Variants in DAG1 observed in about 807,000 individuals in gnomAD.
The protein encoded by DAG1 is dystroglycan 1.
DAG1 carries 8 observed loss-of-function variants against 46.1 expected under a neutral mutation model. The ratio of observed to expected loss-of-function variants is 0.17; its 90% CI spans 0.10 to 0.31. The LOEUF (loss-of-function observed/expected upper bound fraction) is 0.31. DAG1 is among the 10% of genes least tolerant of loss of function. The pLI is 1.00. For synonymous variants in DAG1, 495 were observed against 481.8 expected (o/e 1.03, Z -0.36); for missense variants, 1,003 against 1,189.9 (o/e 0.84, Z 2.31).
chr3:49,475,165 T>G (rs760554474), intron 1 of DAG1, among the ~76,000 whole-genome samples: 1 of 148,576 alleles, frequency 6.7e-6, no homozygotes, highest in South Asian at 2.1e-4. Flanking sequence ...AGTGCAATGG[T>G]GCGATATTGG....
intron 2 of DAG1, among the ~76,000 whole-genome samples, chr3:49,516,657 T>C (rs772832182): frequency 6.6e-6 from 1 of 152,216 alleles, no homozygotes; most frequent in Non-Finnish European, 1.5e-5. Flanking sequence ...GGGAGCCCCT[T>C]TAAGTTGGTT....
rs886043329 is a variant in DAG1 at position 49,532,682 on chromosome 3, C to T, written c.2171C>T (p.Pro724Leu). ...CTACAGTTTATCCCTGTGGTACCAC[C>T]CAGGAGAGTGCCCTCAGAGGCGCCG... ...RHLQFIPVVP[P>L]RRVPSEAPPT... is the part of the protein sequence containing the mutation. Residue 724 changes from proline to leucine, a missense_variant, in exon 3 of 3, where the codon CCC (proline) becomes CTC (leucine). This residue lies in a region of DAG1 where 755 missense variants were observed against 854.1 expected (regional missense o/e 0.88). Transcript: ENST00000308775. The surrounding 1 kb of genome is among the most constrained non-coding windows in gnomAD (Gnocchi z 5.4). The T allele has an allele frequency of 6.2e-7, 1 of 1,614,146 alleles. No homozygotes were observed.
chr3:49,472,772 A>G (rs1321752925), intron 1 of DAG1, among the ~76,000 whole-genome samples: 3 of 151,754 alleles, frequency 2.0e-5, no homozygotes, highest in African/African-American at 7.3e-5. Flanking sequence ...GAGCCACTGC[A>G]CTCCAGCCTG....
At chr3:49,480,866 A>G (rs71615484) in intron 1 of DAG1, among the ~76,000 whole-genome samples, 44,140 of 128,942 alleles carry the variant, frequency 0.34, 10,900 homozygotes, top group Non-Finnish European at 0.39. Flanking sequence ...GGTTCACGCC[A>G]TTCTTCTGCC....
At chr3:49,487,282 C>T (rs1360333970) in intron 1 of DAG1, 2 of 152,302 alleles carry the variant, frequency 1.3e-5, no homozygotes, top group Non-Finnish European at 2.9e-5. Flanking sequence ...CAGATGGCTG[C>T]ACTGGCCTAG....
At chr3:49,469,340 C>T (rs1480984589), upstream of DAG1, among the ~76,000 whole-genome samples, 1 of 152,192 alleles carries the variant, frequency 6.6e-6, no homozygotes, top group Non-Finnish European at 1.5e-5. Flanking sequence ...CCAGACCCAT[C>T]CGGTAACTGT....
At chr3:49,515,915 C>T (rs1324177123) in intron 2 of DAG1, among the ~76,000 whole-genome samples, 1 of 152,090 alleles carries the variant, frequency 6.6e-6, no homozygotes, top group African/African-American at 2.4e-5. Flanking sequence ...TTCAAAATCC[C>T]TTTTTACTGA....
chr3:49,498,424 T>G (rs896158261), intron 1 of DAG1, among the ~76,000 whole-genome samples: 4 of 152,038 alleles, frequency 2.6e-5, no homozygotes, highest in African/African-American at 7.2e-5. Context: ...TATTTGGAGC[T>G]CAAATAAACA....
intron 1 of DAG1, among the ~76,000 whole-genome samples, chr3:49,486,659 C>T (rs546815283): frequency 6.6e-5 from 10 of 152,044 alleles, no homozygotes; most frequent in South Asian, 4.2e-4. Flanking sequence ...TGCATCACCA[C>T]GCCTGGCTAA....
rs188499778 is a variant in DAG1 at position 49,520,444 on chromosome 3, C to T, written c.285+9625C>T. On this transcript the variant is annotated intron_variant, in intron 2 of 2. Coordinates refer to ENST00000308775, the MANE Select transcript of DAG1 (RefSeq NM_004393.6). The stretch of plus-strand genomic sequence containing the variant: ...CCAGGGTGTTGTCTATGGTACCCAG[C>T]CATAGATGGCTGCAGGTTGGCCCAG... Among the ~76,000 whole-genome samples, 305 of 152,292 alleles carry T rather than the reference C, an allele frequency of 2.0e-3. 3 individuals carry two copies. Among genetic ancestry groups the T allele is most frequent in the African/African-American group, 7.0e-3 (290 of 41,562 alleles).
In DAG1 at chr3:49,535,491, C is replaced by G. The variant is rs966748463; in HGVS notation, c.*2292C>G. On this transcript the variant is annotated 3_prime_UTR_variant, in exon 3 of 3. Coordinates refer to ENST00000308775, the MANE Select transcript of DAG1 (RefSeq NM_004393.6). ...GGACTCTGTGAGATGGAGAGCCAAT[C>G]TCACATTCAAGTGTTCACCAACCAC... 2 of 152,716 alleles carry G rather than the reference C, an allele frequency of 1.3e-5. No individual in the cohort carries two copies. Among genetic ancestry groups the G allele is most frequent in the Admixed American group, 1.3e-4 (2 of 15,294 alleles). 9.5% of individuals were successfully genotyped at this position (152,716 alleles called of 1,614,324 possible).
intron 2 of DAG1, among the ~76,000 whole-genome samples, chr3:49,513,500 C>A (rs1268329427): frequency 6.6e-6 from 1 of 152,106 alleles, no homozygotes; most frequent in African/African-American, 2.4e-5. Context: ...TTAGAAATGG[C>A]CACAAGTTCT....
chr3:49,486,408 CAG>C (rs1488105104), intron 1 of DAG1, among the ~76,000 whole-genome samples: 2 of 151,358 alleles, frequency 1.3e-5, no homozygotes, highest in Admixed American at 6.6e-5. Flanking sequence ...TTAGTAGAGA[CAG>C]GGTTTCACCG....
rs903063283 is a variant in DAG1, at chr3:49,470,416, T to G, written c.-134T>G. 5 of 152,196 alleles carry G rather than the reference T, an allele frequency of 3.3e-5. No homozygotes were observed. Among genetic ancestry groups the G allele is most frequent in the African/African-American group, 7.2e-5 (3 of 41,452 alleles). 9.4% of individuals were successfully genotyped at this position (152,196 alleles called of 1,614,324 possible). The stretch of plus-strand genomic sequence containing the variant: ...CAGGAGGAGCGAACACCTGCCGCGG[T>G]CCTCCCGCCGGCGCTGGGTGAGTGC... On this transcript the variant is annotated 5_prime_UTR_variant, in exon 1 of 3. Transcript: ENST00000308775.
chr3:49,510,557 C>T lies in DAG1; in HGVS notation c.23C>T (p.Ser8Leu), dbSNP rs199501149. Residue 8 changes from serine to leucine, a missense_variant, in exon 2 of 3, where the codon TCG becomes TTG. Ser to Leu is a moderately radical substitution (Grantham distance 145). Transcript: ENST00000308775. ...GGGATGAGGATGTCTGTGGGCCTCT[C>T]GCTGCTGCTGCCCCTCTCGGGGAGG... is the stretch of plus-strand genomic sequence containing the variant. MRMSVGL[S>L]LLLPLSGRTF... 29 of 1,613,626 alleles carry T rather than the reference C, an allele frequency of 1.8e-5. No homozygotes were observed. The East Asian group carries it at 2.2e-4, about 12-fold the overall frequency.
intron 1 of DAG1, among the ~76,000 whole-genome samples, chr3:49,471,387 T>C (rs2049514904): frequency 6.6e-6 from 1 of 151,270 alleles, no homozygotes; most frequent in East Asian, 2.0e-4. Flanking sequence ...GTAGATGGGG[T>C]ATTGCAGTTT....
chr3:49,471,858 C>G (rs1025587819), intron 1 of DAG1, among the ~76,000 whole-genome samples: 1 of 152,096 alleles, frequency 6.6e-6, no homozygotes, highest in Admixed American at 6.6e-5. Context: ...CAGTGGGGAC[C>G]AGGGAACCCA....
At chr3:49,526,147 G>C (rs969287662) in intron 2 of DAG1, among the ~76,000 whole-genome samples, 1 of 152,138 alleles carries the variant, frequency 6.6e-6, no homozygotes, top group Non-Finnish European at 1.5e-5. Context: ...CTCTGCTCCC[G>C]GCCTACACAC....
intron 1 of DAG1, among the ~76,000 whole-genome samples, chr3:49,509,987 C>T (rs1298965126): frequency 6.6e-6 from 1 of 152,186 alleles, no homozygotes; most frequent in Admixed American, 6.5e-5. Context: ...CCCTAGTCTC[C>T]CAAGATGCCA....
Sources: gnomAD v4.1 joint callset for allele counts (sites outside exome capture counted in the v4.1 genomes callset) on GRCh38, gnomAD v4.1.1 for gene constraint, gnomAD v4.1.1 regional missense constraint, Gnocchi (gnomAD v3.1) non-coding constraint, MANE v1.5 for transcripts, NCBI Gene and HGNC (gene_info 2026-07-23, HGNC 2026-07-21) for gene names.